RBFOX1: variants seen among roughly 807,000 people sequenced by gnomAD.
The protein encoded by RBFOX1 is RNA binding protein fox-1 homolog 1.
In RBFOX1, 8 loss-of-function variants were observed where a neutral mutation model predicts 57.7. The observed-to-expected ratio is 0.14, with a 90% CI of 0.08 to 0.25. RBFOX1 has a LOEUF of 0.25. Among genes scored for constraint, RBFOX1 ranks in the 10% least tolerant of loss-of-function variants. The pLI is 1.00. For missense variants in RBFOX1, 611 were observed against 548.5 expected, an observed-to-expected ratio of 1.11 and a Z score of -1.14; for synonymous variants, 326 against 222.4, an observed-to-expected ratio of 1.47 and a Z score of -4.15.
chr16:6,625,157 TAAAA>T (rs34634402), intron 2 of RBFOX1, among the ~76,000 whole-genome samples: 14,098 of 55,446 alleles, frequency 0.25, 958 homozygotes, highest in South Asian at 0.31. Flanking sequence ...CAACCCTATC[TAAAA>T]AAAAAAAAAA....
intron 3 of RBFOX1, among the ~76,000 whole-genome samples, chr16:5,768,694 T>A (rs890640979): frequency 7.9e-5 from 12 of 152,108 alleles, no homozygotes; most frequent in Admixed American, 6.6e-4. Flanking sequence ...AAGCGGATGA[T>A]TCTGAGCCCA....
At chr16:7,572,120 C>T (rs917146188) in intron 5 of RBFOX1, among the ~76,000 whole-genome samples, 2 of 152,110 alleles carry the variant, frequency 1.3e-5, no homozygotes, top group Admixed American at 1.3e-4. Flanking sequence ...GAGTGAGACT[C>T]CATCTCAAAA....
chr16:6,971,351 C>T (rs925190893), intron 3 of RBFOX1, among the ~76,000 whole-genome samples: 1 of 152,032 alleles, frequency 6.6e-6, no homozygotes, highest in Admixed American at 6.6e-5. Context: ...ATCCAGGCAG[C>T]AGGAACAGAT....
At chr16:6,615,797 C>G (rs1347720198) in intron 2 of RBFOX1, among the ~76,000 whole-genome samples, 5 of 152,102 alleles carry the variant, frequency 3.3e-5, no homozygotes, top group Admixed American at 2.6e-4. Context: ...CCATTAACAG[C>G]AGATGGATGG....
intron 3 of RBFOX1, among the ~76,000 whole-genome samples, chr16:5,814,408 C>A (rs146997721): frequency 6.6e-6 from 1 of 152,276 alleles, no homozygotes; most frequent in South Asian, 2.1e-4. Flanking sequence ...TTCCCTCTTC[C>A]GAAGAATTAT....
At chr16:5,263,858 A>G (rs1194878218) in intron 1 of RBFOX1, among the ~76,000 whole-genome samples, 2 of 152,222 alleles carry the variant, frequency 1.3e-5, no homozygotes, top group Non-Finnish European at 2.9e-5. Context: ...TGATGGTTAA[A>G]AATATTGCTG....
At chr16:6,988,478 G>A (rs1194851309) in intron 3 of RBFOX1, among the ~76,000 whole-genome samples, 1 of 152,062 alleles carries the variant, frequency 6.6e-6, no homozygotes, top group Non-Finnish European at 1.5e-5. Flanking sequence ...TGCCTGTTGT[G>A]ATAACATATT....
intron 4 of RBFOX1, among the ~76,000 whole-genome samples, chr16:5,885,924 A>T (rs1036350779): frequency 2.6e-5 from 4 of 152,024 alleles, no homozygotes; most frequent in African/African-American, 9.7e-5. Context: ...ATGCTGGAGG[A>T]GGGTCCAGGT....
chr16:5,634,008 G>A (rs1263498293), intron 3 of RBFOX1, among the ~76,000 whole-genome samples: 1 of 152,178 alleles, frequency 6.6e-6, no homozygotes, highest in Admixed American at 6.5e-5. Context: ...CCCACCTTGA[G>A]TGTAATGGTG....
chr16:6,573,582 G>T (rs1438526218), intron 2 of RBFOX1, among the ~76,000 whole-genome samples: 2 of 152,164 alleles, frequency 1.3e-5, no homozygotes, highest in South Asian at 2.1e-4. Flanking sequence ...CACATAGTGC[G>T]ATTTTGAAAG....
At chr16:7,706,886 G>C (rs2082625088) in intron 14 of RBFOX1, among the ~76,000 whole-genome samples, 1 of 152,158 alleles carries the variant, frequency 6.6e-6, no homozygotes, top group South Asian at 2.1e-4. Flanking sequence ...TCAGGAGTGA[G>C]CTCTCTGAAT....
At chr16:6,286,896 T>G (rs2076961100) in intron 1 of RBFOX1, among the ~76,000 whole-genome samples, 1 of 152,154 alleles carries the variant, frequency 6.6e-6, no homozygotes, top group African/African-American at 2.4e-5. Flanking sequence ...AGGATTACAT[T>G]TTTCCCATAC....
intron 2 of RBFOX1, among the ~76,000 whole-genome samples, chr16:6,459,930 G>A (rs1325509164): frequency 7.2e-6 from 1 of 139,214 alleles, no homozygotes; most frequent in East Asian, 2.1e-4. Context: ...GTTGTGGTGA[G>A]CTGAGATAGT....
intron 2 of RBFOX1, among the ~76,000 whole-genome samples, chr16:6,350,293 G>A (rs979141027): frequency 1.3e-5 from 2 of 151,414 alleles, no homozygotes; most frequent in East Asian, 1.9e-4. Flanking sequence ...AAAATTAGCC[G>A]GGTGTGGTTG....
rs2109461 is a variant in RBFOX1 at position 6,380,958 on chromosome 16, C to G, written c.-64+63901C>G. Among the ~76,000 whole-genome samples the G allele has an allele frequency of 8.7e-3, 1,326 of 152,210 alleles. 20 individuals carry two copies. Among genetic ancestry groups the G allele is most frequent in the African/African-American group, 0.03 (1,256 of 41,530 alleles). ...TCTGTGCATTCTGGTGATTGCTTGT[C>G]TTGGCGAGCATCTTCTTTTTAAAAT... On this transcript the variant is annotated intron_variant, in intron 2 of 15. Coordinates refer to ENST00000550418, the MANE Select transcript of RBFOX1 (RefSeq NM_018723.4).
At chr16:6,200,393 A>T (rs1055594171) in intron 1 of RBFOX1, among the ~76,000 whole-genome samples, 1 of 152,032 alleles carries the variant, frequency 6.6e-6, no homozygotes, top group Non-Finnish European at 1.5e-5. Context: ...TGAGAGAGAG[A>T]GAGAGAGAAA....
At chr16:6,263,222 G>T (rs867957737) in intron 1 of RBFOX1, among the ~76,000 whole-genome samples, 1 of 152,150 alleles carries the variant, frequency 6.6e-6, no homozygotes, top group Non-Finnish European at 1.5e-5. Flanking sequence ...TGCTTCCCCA[G>T]GAATTTTGTT....
intron 3 of RBFOX1, among the ~76,000 whole-genome samples, chr16:5,709,995 G>A (rs963052902): frequency 6.7e-6 from 1 of 150,094 alleles, no homozygotes. Flanking sequence ...TCTAACTCAG[G>A]CGCATTGGGT....
At chr16:6,846,205 G>T (rs1567531749) in intron 3 of RBFOX1, among the ~76,000 whole-genome samples, 1 of 152,190 alleles carries the variant, frequency 6.6e-6, no homozygotes, top group Non-Finnish European at 1.5e-5. Flanking sequence ...CTGAGGACTT[G>T]GGAAGGGTGT....
Sources: gnomAD v4.1 joint callset for allele counts (sites outside exome capture counted in the v4.1 genomes callset) on GRCh38, gnomAD v4.1.1 for gene constraint, MANE v1.5 for transcripts, NCBI Gene and HGNC (gene_info 2026-07-23, HGNC 2026-07-21) for gene names.